PPM1H: variants seen among roughly 807,000 people sequenced by gnomAD.
The protein encoded by PPM1H is protein phosphatase 1H.
In PPM1H, 27 loss-of-function variants were observed where a neutral mutation model predicts 54.9. The observed-to-expected ratio is 0.49, with a 90% CI of 0.36 to 0.68. PPM1H has a LOEUF of 0.68. Among genes scored for constraint, PPM1H ranks in the 30% least tolerant of loss-of-function variants. PPM1H has a pLI of 0.00. For missense variants in PPM1H, 596 were observed against 667.8 expected (o/e 0.89, Z 1.19); for synonymous variants, 305 against 270.8 (o/e 1.13, Z -1.24).
chr12:62,757,222 G>A (rs1450124016), intron 4 of PPM1H, among the ~76,000 whole-genome samples: 1 of 152,160 alleles, frequency 6.6e-6, no homozygotes, highest in Admixed American at 6.5e-5. Context: ...GTAGGGAACA[G>A]GAAAGGAGGA....
chr12:62,914,683 C>G (rs538093954), intron 1 of PPM1H, among the ~76,000 whole-genome samples: 1 of 152,272 alleles, frequency 6.6e-6, no homozygotes, highest in East Asian at 1.9e-4. Flanking sequence ...ACTGGAAGGT[C>G]TTCCAATGAC....
chr12:62,911,952 C>G (rs539290463), intron 1 of PPM1H, among the ~76,000 whole-genome samples: 1 of 152,332 alleles, frequency 6.6e-6, no homozygotes, highest in Non-Finnish European at 1.5e-5. Flanking sequence ...ATTCTCAAAG[C>G]CTCAGGTCTT....
chr12:62,879,181 G>A (rs1870301504), intron 1 of PPM1H, among the ~76,000 whole-genome samples: 1 of 152,122 alleles, frequency 6.6e-6, no homozygotes, highest in South Asian at 2.1e-4. Context: ...TGTTTCTTTC[G>A]CTATTTTCCT....
intron 2 of PPM1H, among the ~76,000 whole-genome samples, chr12:62,815,962 A>C (rs1033223176): frequency 1.3e-5 from 2 of 152,214 alleles, no homozygotes; most frequent in Non-Finnish European, 1.5e-5. Flanking sequence ...CATCTTAGTA[A>C]CAGCTATTAC....
chr12:62,736,157 C>A (rs2076348332), intron 5 of PPM1H, among the ~76,000 whole-genome samples: 1 of 152,174 alleles, frequency 6.6e-6, no homozygotes, highest in South Asian at 2.1e-4. Flanking sequence ...GAGAGGCTAG[C>A]TATAACGAAT....
chr12:62,922,683 T>C (rs1034711838), intron 1 of PPM1H, among the ~76,000 whole-genome samples: 4 of 152,142 alleles, frequency 2.6e-5, no homozygotes, highest in Non-Finnish European at 4.4e-5. Flanking sequence ...CACTATGGAT[T>C]CATGTTTCAG....
At chr12:62,746,410 AAAACCAAACC>A (rs750006847) in intron 4 of PPM1H, among the ~76,000 whole-genome samples, 1 of 152,180 alleles carries the variant, frequency 6.6e-6, no homozygotes, top group African/African-American at 2.4e-5. Context: ...CTGATAAAGC[AAAACCAAACC>A]AAACCAAACC....
chr12:62,864,499 G>C (rs567436488), intron 1 of PPM1H, among the ~76,000 whole-genome samples: 3 of 152,322 alleles, frequency 2.0e-5, no homozygotes, highest in African/African-American at 7.2e-5. Flanking sequence ...TAGCTTTGCA[G>C]GATTGCAGGA....
At chr12:62,708,092 T>C (rs1327494800) in intron 6 of PPM1H, among the ~76,000 whole-genome samples, 2 of 152,250 alleles carry the variant, frequency 1.3e-5, no homozygotes, top group African/African-American at 4.8e-5. Flanking sequence ...GAGAGGCAAC[T>C]GACAACACAC....
At chr12:62,722,255 T>A (rs565806928) in intron 5 of PPM1H, among the ~76,000 whole-genome samples, 1 of 152,310 alleles carries the variant, frequency 6.6e-6, no homozygotes, top group African/African-American at 2.4e-5. Flanking sequence ...TCAGATTGTA[T>A]CAGCATGAAT....
At chr12:62,714,715 G>T (rs913610538) in intron 6 of PPM1H, among the ~76,000 whole-genome samples, 4 of 152,192 alleles carry the variant, frequency 2.6e-5, no homozygotes, top group Admixed American at 6.5e-5. Flanking sequence ...ACCAAGTCAA[G>T]CATGTGATCT....
intron 6 of PPM1H, among the ~76,000 whole-genome samples, chr12:62,696,647 T>C (rs1009722624): frequency 6.6e-6 from 1 of 152,228 alleles, no homozygotes; most frequent in Non-Finnish European, 1.5e-5. Context: ...AAATTAATAA[T>C]AGCTAATAGT....
At chr12:62,692,668 T>C (rs1203732666) in intron 7 of PPM1H, among the ~76,000 whole-genome samples, 1 of 152,210 alleles carries the variant, frequency 6.6e-6, no homozygotes, top group African/African-American at 2.4e-5. Context: ...TACTCATTAA[T>C]GGTGCCCATT....
chr12:62,836,889 C>A (rs1267866283), intron 1 of PPM1H, among the ~76,000 whole-genome samples: 1 of 152,126 alleles, frequency 6.6e-6, no homozygotes, highest in African/African-American at 2.4e-5. Context: ...TTCAACTGAA[C>A]CAAAACCCCT....
chr12:62,819,407 G>T (rs1319739742), intron 2 of PPM1H, among the ~76,000 whole-genome samples: 1 of 152,262 alleles, frequency 6.6e-6, no homozygotes, highest in South Asian at 2.1e-4. Flanking sequence ...GATTACAGGC[G>T]TGAGCCACCG....
chr12:62,898,368 G>A (rs189433237), intron 1 of PPM1H, among the ~76,000 whole-genome samples: 84 of 152,264 alleles, frequency 5.5e-4, no homozygotes, highest in South Asian at 1.5e-3. Flanking sequence ...GAATGCCCAC[G>A]TATGTCCTCC....
chr12:62,927,441 C>A (rs1404853949), intron 1 of PPM1H, among the ~76,000 whole-genome samples: 1 of 152,040 alleles, frequency 6.6e-6, no homozygotes, highest in Non-Finnish European at 1.5e-5. Context: ...AGGTGGATCA[C>A]CTGAGGTCAG....
At chr12:62,658,551 TC>T (rs2075861104) in intron 9 of PPM1H, among the ~76,000 whole-genome samples, 1 of 152,124 alleles carries the variant, frequency 6.6e-6, no homozygotes, top group South Asian at 2.1e-4. Flanking sequence ...GAAAACCCTT[TC>T]CAGGTTTGAG....
chr12:62,717,582 G>C (rs1388812278), intron 6 of PPM1H, among the ~76,000 whole-genome samples: 1 of 151,932 alleles, frequency 6.6e-6, no homozygotes, highest in Non-Finnish European at 1.5e-5. Flanking sequence ...CCTGAACTTA[G>C]CTACATTTTT....
Sources: gnomAD v4.1 joint callset for allele counts (sites outside exome capture counted in the v4.1 genomes callset) on GRCh38, gnomAD v4.1.1 for gene constraint, MANE v1.5 for transcripts, NCBI Gene and HGNC (gene_info 2026-07-23, HGNC 2026-07-21) for gene names.